The following MACROD2 variants were observed in gnomAD, a reference collection of about 807,000 sequenced individuals.
MACROD2 encodes ADP-ribose glycohydrolase MACROD2.
In MACROD2, 36 loss-of-function variants were observed where a neutral mutation model predicts 70.4. The observed-to-expected ratio is 0.51, with a 90% CI of 0.39 to 0.68. MACROD2 has a LOEUF of 0.68. MACROD2 is among the 30% of genes least tolerant of loss of function. MACROD2 has a pLI of 0.00. For missense variants in MACROD2, 496 were observed against 538.4 expected (o/e 0.92, Z 0.78); for synonymous variants, 172 against 178.8 (o/e 0.96, Z 0.30).
rs2084627828 is a variant in MACROD2 at position 14,478,799 on chromosome 20, A to ACCTTCTTCCTTTTG, written c.272-14680_272-14679insCCTTCTTCCTTTTG. ...TAGGTCCTAGCCTACTTTAGTGGGC[A>ACCTTCTTCCTTTTG]GTAGTTCTAAGGACAATTTAATTTT... On this transcript the variant is annotated intron_variant, in intron 3 of 17. Coordinates refer to ENST00000684519, the MANE Select transcript of MACROD2 (RefSeq NM_001351661.2). 2.0e-5 allele frequency among the ~76,000 whole-genome samples: 3 copies of ACCTTCTTCCTTTTG among 152,166 alleles called. No individual in the cohort carries two copies. The South Asian group carries it at 6.2e-4, about 32-fold the overall frequency.
intron 7 of MACROD2, among the ~76,000 whole-genome samples, chr20:15,463,187 T>C (rs1436089163): frequency 6.6e-6 from 1 of 152,174 alleles, no homozygotes; most frequent in Non-Finnish European, 1.5e-5. Context: ...GCCATTACAC[T>C]ACATTCCATG....
rs545662022 is a variant in MACROD2 at position 14,446,586 on chromosome 20, T to C, written c.272-46893T>C. 4.6e-5 allele frequency among the ~76,000 whole-genome samples: 7 copies of C among 152,244 alleles called. No individual in the cohort carries two copies. In the South Asian group the frequency reaches 1.4e-3, roughly 32 times the overall value. ...TTTGCTGATTTGACTTCTACACTTA[T>C]GTCTCCAATTCTTAACCAGAATGAC... On this transcript the variant is annotated intron_variant, in intron 3 of 17. Transcript: ENST00000684519.
Position 14,115,976 on chromosome 20 carries a change from T to C in MACROD2, c.271+30248T>C, listed in dbSNP as rs527923953. Among the ~76,000 whole-genome samples, 24 of 152,302 alleles carry C rather than the reference T, an allele frequency of 1.6e-4. No individual in the cohort carries two copies. In the East Asian group the frequency reaches 4.6e-3, roughly 29 times the overall value. Reference sequence around the variant, plus strand: ...CGAGATATTAGATGTGTAAATATAATGAGCCATTTGTGGAGACACCGACCA... The same window carrying C: ...CGAGATATTAGATGTGTAAATATAACGAGCCATTTGTGGAGACACCGACCA... On this transcript the variant is annotated intron_variant, in intron 3 of 17. Transcript: ENST00000684519.
chr20:14,520,020 A>C (rs1476411462), intron 4 of MACROD2, among the ~76,000 whole-genome samples: 1 of 152,164 alleles, frequency 6.6e-6, no homozygotes, highest in Non-Finnish European at 1.5e-5. Flanking sequence ...CAATGAGAAA[A>C]CATGGACACA....
At position 14,918,860 on chromosome 20, in the gene MACROD2, A is replaced by G. The variant is rs780868833; in HGVS notation, c.418+233901A>G. ...TGTTTCAGTCTTGTGTTACCCATAC[A>G]TTAAACAATCAGCTGTATGTATGTC... On this transcript the variant is annotated intron_variant, in intron 5 of 17. Coordinates refer to ENST00000684519, the MANE Select transcript of MACROD2 (RefSeq NM_001351661.2). Among the ~76,000 whole-genome samples, 208 of 152,242 alleles carry G rather than the reference A, an allele frequency of 1.4e-3. 1 individual carries two copies. Among genetic ancestry groups the G allele is most frequent in the Non-Finnish European group, 2.5e-3 (171 of 68,022 alleles).
chr20:15,214,900 G>A (rs193200202), intron 5 of MACROD2, among the ~76,000 whole-genome samples: 261 of 152,264 alleles, frequency 1.7e-3, no homozygotes, highest in South Asian at 0.016. Context: ...GCTGCCTAAT[G>A]TGTTTCTGCT....
chr20:14,011,289 G>A (rs781704628), intron 2 of MACROD2, among the ~76,000 whole-genome samples: 10 of 152,118 alleles, frequency 6.6e-5, no homozygotes, highest in Non-Finnish European at 1.2e-4. Context: ...CAAAAGACTG[G>A]CAGCTGGTGT....
chr20:15,904,688 C>T (rs534988508), intron 10 of MACROD2, among the ~76,000 whole-genome samples: 1 of 151,720 alleles, frequency 6.6e-6, no homozygotes, highest in Non-Finnish European at 1.5e-5. Flanking sequence ...GTCAGGAGAT[C>T]GAGACCATCC....
chr20:15,387,559 T>C (rs540305505), intron 6 of MACROD2, among the ~76,000 whole-genome samples: 127 of 151,448 alleles, frequency 8.4e-4, no homozygotes, highest in African/African-American at 3.0e-3. Context: ...ATTACATCTT[T>C]CTTCTCTTTT....
At chr20:14,985,469 G>C (rs1469264291) in intron 5 of MACROD2, among the ~76,000 whole-genome samples, 1 of 152,132 alleles carries the variant, frequency 6.6e-6, no homozygotes, top group African/African-American at 2.4e-5. Context: ...AAGCAGTGGG[G>C]TGTGTAGAGG....
At chr20:14,739,141 T>C (rs938490228) in intron 5 of MACROD2, among the ~76,000 whole-genome samples, 1 of 152,046 alleles carries the variant, frequency 6.6e-6, no homozygotes, top group African/African-American at 2.4e-5. Context: ...GGAAATAATT[T>C]AGCAATGTGA....
intron 8 of MACROD2, among the ~76,000 whole-genome samples, chr20:15,578,735 T>C (rs558398864): frequency 3.7e-5 from 2 of 53,524 alleles, no homozygotes; most frequent in Admixed American, 2.2e-4. Context: ...CTTAGTTGTA[T>C]GCAGTTTCAG....
chr20:15,446,582 T>G (rs1398493976), intron 7 of MACROD2, among the ~76,000 whole-genome samples: 2 of 152,162 alleles, frequency 1.3e-5, no homozygotes, highest in Non-Finnish European at 2.9e-5. Context: ...AACACCCCAG[T>G]TTGAAAAGCC....
intron 12 of MACROD2, among the ~76,000 whole-genome samples, chr20:15,954,489 C>T (rs766443325): frequency 6.6e-6 from 1 of 152,140 alleles, no homozygotes; most frequent in Non-Finnish European, 1.5e-5. Context: ...TGTTTGCATG[C>T]TTTCCTCCTA....
chr20:15,228,205 C>T (rs1201701211), intron 5 of MACROD2, among the ~76,000 whole-genome samples: 1 of 152,054 alleles, frequency 6.6e-6, no homozygotes, highest in East Asian at 1.9e-4. Flanking sequence ...TTCCTGAGTA[C>T]ACCTCAAGCC....
chr20:15,758,717 T>C (rs1237193477), intron 8 of MACROD2, among the ~76,000 whole-genome samples: 3 of 152,008 alleles, frequency 2.0e-5, no homozygotes, highest in African/African-American at 7.2e-5. Flanking sequence ...TTTTTTAGTA[T>C]TTTTTTGTAG....
chr20:15,230,891 C>T (rs542666133), intron 6 of MACROD2, among the ~76,000 whole-genome samples: 2 of 152,046 alleles, frequency 1.3e-5, no homozygotes, highest in South Asian at 4.2e-4. Flanking sequence ...TTGGTTGTTC[C>T]CCCTCCCCCA....
intron 3 of MACROD2, among the ~76,000 whole-genome samples, chr20:14,095,618 T>C (rs1051502505): frequency 1.3e-5 from 2 of 152,248 alleles, no homozygotes; most frequent in African/African-American, 4.8e-5. Context: ...CTAAGCCATC[T>C]ATCTATATTA....
intron 5 of MACROD2, among the ~76,000 whole-genome samples, chr20:14,744,457 TGGC>T (rs2071773805): frequency 6.6e-6 from 1 of 152,214 alleles, no homozygotes; most frequent in Non-Finnish European, 1.5e-5. Context: ...ATCATGTTTG[TGGC>T]AAGAACACTT....
Sources: gnomAD v4.1 joint callset for allele counts (sites outside exome capture counted in the v4.1 genomes callset) on GRCh38, gnomAD v4.1.1 for gene constraint, MANE v1.5 for transcripts, NCBI Gene and HGNC (gene_info 2026-07-23, HGNC 2026-07-21) for gene names.